Variants in GALNT13 observed in about 807,000 individuals in gnomAD.
The protein encoded by GALNT13 is UDP-GalNAc:polypeptide N-acetylgalactosaminyltransferase 13.
GALNT13 carries 28 observed loss-of-function variants against 64.2 expected under a neutral mutation model. The ratio of observed to expected loss-of-function variants is 0.44; its 90% CI spans 0.32 to 0.60. The LOEUF is 0.60. GALNT13 is among the 20% of genes least tolerant of loss of function. GALNT13 has a pLI of 0.05. For missense variants in GALNT13, 577 were observed against 669.8 expected, an observed-to-expected ratio of 0.86 and a Z score of 1.53; for synonymous variants, 214 against 224.6, an observed-to-expected ratio of 0.95 and a Z score of 0.42.
intron 1 of GALNT13, among the ~76,000 whole-genome samples, chr2:153,893,133 G>A (rs1687660835): frequency 6.6e-6 from 1 of 152,036 alleles, no homozygotes. Flanking sequence ...AACAGGCGAA[G>A]GTCAAAGAGC....
the GALNT13 span, among the ~76,000 whole-genome samples, chr2:153,774,206 T>C: frequency 6.6e-6 from 1 of 152,132 alleles, no homozygotes; most frequent in African/African-American, 2.4e-5. Context: ...ATAAATGTAA[T>C]ACATCATAAA....
chr2:154,141,044 G>C (rs1683229267), intron 4 of GALNT13, among the ~76,000 whole-genome samples: 1 of 152,082 alleles, frequency 6.6e-6, no homozygotes. Flanking sequence ...GTAACATTAT[G>C]TTAAGTATTT....
chr2:153,909,551 G>C (rs1469251771), intron 2 of GALNT13, among the ~76,000 whole-genome samples: 1 of 151,898 alleles, frequency 6.6e-6, no homozygotes, highest in East Asian at 1.9e-4. Flanking sequence ...TTTATGTGAT[G>C]TTTGCTGTGG....
the GALNT13 span, among the ~76,000 whole-genome samples, chr2:153,845,718 T>G: frequency 1.8e-4 from 27 of 152,248 alleles, no homozygotes; most frequent in South Asian, 3.1e-3. Flanking sequence ...TAATGATAAA[T>G]ATTTTCCAAA....
the GALNT13 span, among the ~76,000 whole-genome samples, chr2:153,254,297 G>A: frequency 6.7e-6 from 1 of 148,986 alleles, no homozygotes; most frequent in Non-Finnish European, 1.5e-5. Context: ...TTGTATTTCT[G>A]TGGGATCGGT....
At chr2:153,268,987 G>T in the GALNT13 span, among the ~76,000 whole-genome samples, 4 of 152,190 alleles carry the variant, frequency 2.6e-5, no homozygotes, top group African/African-American at 9.6e-5. Context: ...GACCTGTGAT[G>T]GGAGGGACTG....
intron 4 of GALNT13, among the ~76,000 whole-genome samples, chr2:154,208,787 C>T (rs1687612866): frequency 6.6e-6 from 1 of 152,018 alleles, no homozygotes; most frequent in African/African-American, 2.4e-5. Flanking sequence ...TATCATACTT[C>T]AGCTACCCAA....
the GALNT13 span, among the ~76,000 whole-genome samples, chr2:153,524,365 G>A: frequency 6.7e-6 from 1 of 149,690 alleles, no homozygotes; most frequent in South Asian, 2.1e-4. Context: ...AGAATAGAAG[G>A]CTCCACCAAT....
chr2:153,627,203 C>G, the GALNT13 span, among the ~76,000 whole-genome samples: 1 of 151,948 alleles, frequency 6.6e-6, no homozygotes, highest in African/African-American at 2.4e-5. Flanking sequence ...ATGGAAAAAG[C>G]CTTTGTCCTT....
chr2:154,303,762 CT>C (rs756444438), intron 9 of GALNT13, among the ~76,000 whole-genome samples: 241 of 143,684 alleles, frequency 1.7e-3, no homozygotes, highest in Non-Finnish European at 1.6e-3. Flanking sequence ...GAAATTCAAA[CT>C]TTTTTTTTTT....
chr2:153,297,931 A>G, the GALNT13 span, among the ~76,000 whole-genome samples: 1 of 152,172 alleles, frequency 6.6e-6, no homozygotes, highest in Non-Finnish European at 1.5e-5. Context: ...TGGAGAGAGA[A>G]AACATTATGA....
the GALNT13 span, among the ~76,000 whole-genome samples, chr2:153,768,010 A>G: frequency 2.6e-3 from 391 of 152,202 alleles, 1 homozygote; most frequent in African/African-American, 8.0e-3. Flanking sequence ...GGGTGTCATC[A>G]TAAATTTTTT....
At chr2:153,086,475 G>A in the GALNT13 span, among the ~76,000 whole-genome samples, 2 of 152,084 alleles carry the variant, frequency 1.3e-5, no homozygotes, top group Non-Finnish European at 2.9e-5. Flanking sequence ...TGTTCTCATG[G>A]TGGTGAATAA....
At chr2:154,430,147 T>A (rs551467323) in intron 11 of GALNT13, among the ~76,000 whole-genome samples, 1 of 152,326 alleles carries the variant, frequency 6.6e-6, no homozygotes, top group African/African-American at 2.4e-5. Flanking sequence ...AATTTTCAAG[T>A]CTTACTATTT....
At chr2:154,207,990 G>A (rs909875532) in intron 4 of GALNT13, among the ~76,000 whole-genome samples, 2 of 152,098 alleles carry the variant, frequency 1.3e-5, no homozygotes, top group Non-Finnish European at 2.9e-5. Flanking sequence ...ATTCTGCACT[G>A]CTAATTTGGC....
chr2:153,826,064 G>A, the GALNT13 span, among the ~76,000 whole-genome samples: 2 of 152,070 alleles, frequency 1.3e-5, no homozygotes, highest in Non-Finnish European at 2.9e-5. Flanking sequence ...AGTGTACTCA[G>A]TTTCTATCCA....
chr2:153,591,168 C>G, the GALNT13 span, among the ~76,000 whole-genome samples: 2,079 of 151,962 alleles, frequency 0.014, 22 homozygotes, highest in Non-Finnish European at 0.017. Context: ...TTCTATATAC[C>G]AGTAACCTAG....
chr2:154,431,140 C>T (rs1037833572), intron 11 of GALNT13, among the ~76,000 whole-genome samples: 19 of 152,066 alleles, frequency 1.2e-4, no homozygotes, highest in African/African-American at 4.6e-4. Flanking sequence ...TCACACCCCT[C>T]TTCATCTATG....
chr2:154,264,301 G>A (rs555064371), intron 8 of GALNT13, among the ~76,000 whole-genome samples: 5 of 151,952 alleles, frequency 3.3e-5, no homozygotes, highest in African/African-American at 1.2e-4. Flanking sequence ...AGGAAATATT[G>A]AGAAACTACA....
Sources: gnomAD v4.1 joint callset for allele counts (sites outside exome capture counted in the v4.1 genomes callset) on GRCh38, gnomAD v4.1.1 for gene constraint, MANE v1.5 for transcripts, NCBI Gene and HGNC (gene_info 2026-07-23, HGNC 2026-07-21) for gene names.